The following KCNMA1 variants were observed in gnomAD, a reference collection of about 807,000 sequenced individuals.
KCNMA1 encodes the protein potassium calcium-activated channel subfamily M alpha 1.
A neutral mutation model predicts 140.0 loss-of-function variants in KCNMA1; 29 were observed. The ratio of observed to expected loss-of-function variants is 0.21; its 90% CI spans 0.15 to 0.28. The LOEUF (loss-of-function observed/expected upper bound fraction) is 0.28. Among genes scored for constraint, KCNMA1 ranks in the 10% least tolerant of loss-of-function variants. The pLI is 1.00. For missense variants in KCNMA1, 880 were observed against 1,602.2 expected (o/e 0.55, Z 7.70); for synonymous variants, 612 against 611.9 (o/e 1.00, Z 0.00).
downstream of KCNMA1, chr10:76,873,055 GAT>G (rs2031679061): frequency 6.6e-6 from 1 of 152,110 alleles, no homozygotes; most frequent in Non-Finnish European, 1.5e-5. Context: ...GTGGGGCTGT[GAT>G]ATCATGGAGC....
intron 1 of KCNMA1, among the ~76,000 whole-genome samples, chr10:77,502,932 T>C (rs2044441862): frequency 6.6e-6 from 1 of 152,236 alleles, no homozygotes; most frequent in African/African-American, 2.4e-5. Flanking sequence ...AATCCATACT[T>C]GGACCAATTT....
chr10:77,473,871 A>G (rs1023668318), intron 1 of KCNMA1, among the ~76,000 whole-genome samples: 2 of 152,176 alleles, frequency 1.3e-5, no homozygotes, highest in African/African-American at 4.8e-5. Context: ...AGTCTCTTTG[A>G]GGGCCAGTTA....
intron 1 of KCNMA1, among the ~76,000 whole-genome samples, chr10:77,577,345 G>C (rs1404089892): frequency 2.0e-5 from 3 of 152,078 alleles, no homozygotes; most frequent in Admixed American, 6.5e-5. Flanking sequence ...ACCACGCCCG[G>C]CTCACACTCT....
At chr10:77,270,472 TCTTTCTTTC>T (rs112358325) in intron 2 of KCNMA1, among the ~76,000 whole-genome samples, 19,185 of 151,386 alleles carry the variant, frequency 0.13, 1,940 homozygotes, top group African/African-American at 0.28. Flanking sequence ...GTTCAAGCTC[TCTTTCTTTC>T]CTTTCTTTCC....
intron 5 of KCNMA1, among the ~76,000 whole-genome samples, chr10:77,128,295 A>G (rs2097782710): frequency 6.6e-6 from 1 of 151,818 alleles, no homozygotes; most frequent in African/African-American, 2.4e-5. Context: ...AATTTTACTT[A>G]AGGTGGGTTT....
chr10:77,534,050 G>A (rs2058316506), intron 1 of KCNMA1, among the ~76,000 whole-genome samples: 1 of 152,304 alleles, frequency 6.6e-6, no homozygotes, highest in South Asian at 2.1e-4. Flanking sequence ...GAGCCAGGCA[G>A]CCAGGTAACT....
intron 23 of KCNMA1, among the ~76,000 whole-genome samples, chr10:76,930,626 T>C (rs2059023841): frequency 6.6e-6 from 1 of 152,196 alleles, no homozygotes; most frequent in Non-Finnish European, 1.5e-5. Context: ...TCTGGGTATA[T>C]ATCCAACAGA....
At chr10:77,420,749 C>G (rs2096849528) in intron 1 of KCNMA1, among the ~76,000 whole-genome samples, 1 of 152,196 alleles carries the variant, frequency 6.6e-6, no homozygotes, top group Admixed American at 6.5e-5. Flanking sequence ...TTTAGGTTGT[C>G]AGAGAACACA....
At chr10:77,441,092 G>T (rs1441017606) in intron 1 of KCNMA1, among the ~76,000 whole-genome samples, 2 of 152,024 alleles carry the variant, frequency 1.3e-5, no homozygotes, top group African/African-American at 4.8e-5. Context: ...CAAAGTGCTG[G>T]GATTACAGGC....
rs956254812 is a variant in KCNMA1, at chr10:77,565,444, G to A, written c.378+71821C>T. On this transcript the variant is annotated intron_variant, in intron 1 of 27. Transcript: ENST00000286628. ...CAGTTAAGATGATGATAAAAAGAAG[G>A]TAGAGGAAAAAAATGTGGAAGACAG... Among the ~76,000 whole-genome samples the A allele has an allele frequency of 2.6e-5, 4 of 152,202 alleles. 1 individual carries two copies. The highest frequency in any genetic ancestry group is 2.6e-4 in the Admixed American group (4 of 15,280).
chr10:77,127,618 G>A (rs149838443), intron 5 of KCNMA1, among the ~76,000 whole-genome samples: 1,531 of 149,924 alleles, frequency 0.01, 26 homozygotes, highest in African/African-American at 0.035. Flanking sequence ...AGAAGGGAGA[G>A]AAGGAGAGAA....
At chr10:77,026,322 T>G (rs1483847944) in intron 16 of KCNMA1, among the ~76,000 whole-genome samples, 1 of 151,862 alleles carries the variant, frequency 6.6e-6, no homozygotes, top group Non-Finnish European at 1.5e-5. Flanking sequence ...ATCATGACAT[T>G]TTTTTTTGAA....
intron 1 of KCNMA1, among the ~76,000 whole-genome samples, chr10:77,566,723 T>A (rs183392693): frequency 1.1e-4 from 16 of 152,328 alleles, no homozygotes; most frequent in Admixed American, 2.6e-4. Context: ...TTACTATGTG[T>A]CCAGAGTTGT....
chr10:77,269,629 A>C (rs2064417033), intron 2 of KCNMA1, among the ~76,000 whole-genome samples: 1 of 152,228 alleles, frequency 6.6e-6, no homozygotes, highest in African/African-American at 2.4e-5. Flanking sequence ...TCCAGTGTGC[A>C]GTCAGGGCCG....
intron 2 of KCNMA1, among the ~76,000 whole-genome samples, chr10:77,376,207 G>A (rs1337528038): frequency 1.3e-5 from 2 of 152,258 alleles, no homozygotes; most frequent in Admixed American, 6.5e-5. Flanking sequence ...GGGGGCTGCC[G>A]TGTCCCACTC....
At chr10:76,977,525 A>G (rs2153222700) in intron 19 of KCNMA1, 2 of 702,860 alleles carry the variant, frequency 2.8e-6, no homozygotes, top group South Asian at 3.0e-5. Context: ...GCAAAGACTA[A>G]GATATTAACT....
intron 2 of KCNMA1, among the ~76,000 whole-genome samples, chr10:77,392,042 A>C (rs991853207): frequency 3.3e-5 from 5 of 150,556 alleles, no homozygotes; most frequent in African/African-American, 9.8e-5. Context: ...CCGCAAATAC[A>C]GACATTTCAT....
intron 26 of KCNMA1, chr10:76,889,831 A>T (rs2151808968): frequency 1.9e-6 from 1 of 519,662 alleles, no homozygotes; most frequent in South Asian, 2.0e-5. Context: ...GGGGTTTGAA[A>T]GCTCTAAGGA....
intron 2 of KCNMA1, among the ~76,000 whole-genome samples, chr10:77,348,178 G>A (rs752544622): frequency 2.9e-4 from 44 of 152,234 alleles, no homozygotes; most frequent in African/African-American, 3.1e-4. Flanking sequence ...TTGTAAATAC[G>A]AGGAAACCAT....
Sources: allele counts gnomAD v4.1 joint callset (sites outside exome capture counted in the v4.1 genomes callset), GRCh38; gene constraint gnomAD v4.1.1; transcripts MANE v1.5; gene names NCBI Gene and HGNC (gene_info 2026-07-23, HGNC 2026-07-21).